The following ZMAT4 variants were observed in gnomAD, a reference collection of about 807,000 sequenced individuals.
ZMAT4 encodes the protein zinc finger matrin-type protein 4.
Under a neutral mutation model 28.7 loss-of-function variants are expected in ZMAT4, and 17 were observed. The observed-to-expected ratio is 0.59, with a 90% confidence interval of 0.41 to 0.89. The LOEUF (loss-of-function observed/expected upper bound fraction) is 0.89. Among genes scored for constraint, ZMAT4 ranks in the 40% least tolerant of loss-of-function variants. The probability of loss-of-function intolerance (pLI) is 0.00; values close to 1 mark genes in which losing one functional copy is unlikely to be tolerated. For synonymous variants in ZMAT4, 117 were observed against 109.2 expected, an observed-to-expected ratio of 1.07 and a Z score of -0.44; for missense variants, 240 against 283.8, an observed-to-expected ratio of 0.85 and a Z score of 1.11.
chr8:40,708,152 G>A (rs1217677871), intron 3 of ZMAT4, among the ~76,000 whole-genome samples: 8 of 152,212 alleles, frequency 5.3e-5, no homozygotes, highest in Non-Finnish European at 1.2e-4. Flanking sequence ...ATCAGCATCT[G>A]TGCAGGGAAA....
At position 40,638,289 on chromosome 8, in the gene ZMAT4, A is replaced by AATGG. The variant is rs200268667; in HGVS notation, c.577+36411_577+36414dup. 5.5e-3 allele frequency among the ~76,000 whole-genome samples: 841 copies of AATGG among 152,362 alleles called. 13 individuals are homozygous for AATGG. The highest frequency in any genetic ancestry group is 0.019 in the African/African-American group (793 of 41,592). On this transcript the variant is annotated intron_variant, in intron 5 of 6. Transcript: ENST00000297737. The stretch of plus-strand genomic sequence containing the variant: ...AATTGGCCTGATTTGATCATTCCAC[A>AATGG]ATGGGTGCATGTATCAAAACATCAC...
At chr8:40,842,889 C>T (rs934299529) in intron 1 of ZMAT4, among the ~76,000 whole-genome samples, 1 of 152,220 alleles carries the variant, frequency 6.6e-6, no homozygotes, top group Non-Finnish European at 1.5e-5. Context: ...AATTCTCCTG[C>T]CTCAGCCTCC....
At chr8:40,884,248 G>A (rs1310060051) in intron 1 of ZMAT4, among the ~76,000 whole-genome samples, 3 of 129,964 alleles carry the variant, frequency 2.3e-5, no homozygotes, top group African/African-American at 8.7e-5. Context: ...AGCTGTCCAA[G>A]AGGCCAGGCC....
intron 5 of ZMAT4, among the ~76,000 whole-genome samples, chr8:40,636,020 G>C (rs919807356): frequency 5.9e-5 from 9 of 152,204 alleles, no homozygotes; most frequent in Non-Finnish European, 1.0e-4. Context: ...GTTTGAGTAA[G>C]TTTCCTATCC....
intron 4 of ZMAT4, among the ~76,000 whole-genome samples, chr8:40,690,359 C>A (rs1344777822): frequency 6.6e-6 from 1 of 152,182 alleles, no homozygotes; most frequent in Non-Finnish European, 1.5e-5. Context: ...TAAGCCCCTT[C>A]CAGCTCTGCA....
At chr8:40,786,594 C>T (rs949871808) in intron 2 of ZMAT4, 4 of 884,648 alleles carry the variant, frequency 4.5e-6, no homozygotes, top group Non-Finnish European at 4.6e-6. Flanking sequence ...CCAGCATGCA[C>T]GTTCTGGTTA....
At chr8:40,672,432 G>T (rs150138646) in intron 5 of ZMAT4, among the ~76,000 whole-genome samples, 197 of 152,226 alleles carry the variant, frequency 1.3e-3, no homozygotes, top group African/African-American at 4.4e-3. Context: ...CACCTGGAGC[G>T]TGTGGAAAGT....
intron 5 of ZMAT4, among the ~76,000 whole-genome samples, chr8:40,659,479 T>A (rs1302726657): frequency 6.6e-6 from 1 of 152,136 alleles, no homozygotes; most frequent in African/African-American, 2.4e-5. Context: ...AGTCCTTGCA[T>A]TGCCCCTGGA....
intron 3 of ZMAT4, among the ~76,000 whole-genome samples, chr8:40,734,319 A>C (rs1811668691): frequency 6.6e-6 from 1 of 152,216 alleles, no homozygotes; most frequent in Non-Finnish European, 1.5e-5. Context: ...ATTAAATGGC[A>C]CTTAAGAGGA....
chr8:40,596,591 C>T (rs1805113289), intron 5 of ZMAT4, among the ~76,000 whole-genome samples: 1 of 152,158 alleles, frequency 6.6e-6, no homozygotes. Flanking sequence ...CACTAGGTGA[C>T]AGGAATTTTT....
intron 1 of ZMAT4, among the ~76,000 whole-genome samples, chr8:40,890,063 T>A (rs2150670529): frequency 6.6e-6 from 1 of 152,374 alleles, no homozygotes; most frequent in East Asian, 1.9e-4. Flanking sequence ...TAATTTCACA[T>A]TTTTGTTATT....
At position 40,613,077 on chromosome 8, in the gene ZMAT4, C is replaced by T. The variant is rs149109113; in HGVS notation, c.578-31816G>A. On this transcript the variant is annotated intron_variant, in intron 5 of 6. Coordinates refer to ENST00000297737, the MANE Select transcript of ZMAT4 (RefSeq NM_024645.3). ...CCGCCCACCTCAGCCTCCCAAAGTG[C>T]TGAGATTACAGGTGTGAGCCACCGT... Among the ~76,000 whole-genome samples the T allele has an allele frequency of 1.6e-3, 243 of 151,902 alleles. 4 individuals carry two copies. In the East Asian group the frequency reaches 0.043, roughly 27 times the overall value.
chr8:40,730,767 T>C (rs1811502223), intron 3 of ZMAT4, among the ~76,000 whole-genome samples: 1 of 152,168 alleles, frequency 6.6e-6, no homozygotes, highest in Admixed American at 6.5e-5. Flanking sequence ...GGGAAGATCA[T>C]GGGAGTAGGA....
In ZMAT4 at chr8:40,728,181, G is replaced by A. The variant is rs1408040191; in HGVS notation, c.193-30780C>T. Among the ~76,000 whole-genome samples the A allele has an allele frequency of 2.0e-5, 3 of 152,148 alleles. No individual in the cohort carries two copies. In the East Asian group the frequency reaches 5.8e-4, roughly 29 times the overall value. The stretch of plus-strand genomic sequence containing the variant: ...GTCCTTAAGATAAAATTACAATAAT[G>A]GTTTAGAGGAAGCATAGCTTTGCTT... On this transcript the variant is annotated intron_variant, in intron 3 of 6. Coordinates refer to ENST00000297737, the MANE Select transcript of ZMAT4 (RefSeq NM_024645.3).
At chr8:40,796,983 G>A (rs910971725) in intron 2 of ZMAT4, among the ~76,000 whole-genome samples, 1 of 152,134 alleles carries the variant, frequency 6.6e-6, no homozygotes, top group African/African-American at 2.4e-5. Flanking sequence ...ACCTCCAGGG[G>A]CCACAGGCAG....
chr8:40,614,717 A>G (rs917357930), intron 5 of ZMAT4, among the ~76,000 whole-genome samples: 6 of 152,132 alleles, frequency 3.9e-5, no homozygotes, highest in African/African-American at 1.4e-4. Flanking sequence ...GTTTGTTTAA[A>G]GACTGTTTTA....
At chr8:40,856,406 G>A (rs930575703) in intron 1 of ZMAT4, among the ~76,000 whole-genome samples, 1 of 152,194 alleles carries the variant, frequency 6.6e-6, no homozygotes, top group Non-Finnish European at 1.5e-5. Flanking sequence ...GACAGCATGG[G>A]CAAAGATGTG....
intron 6 of ZMAT4, among the ~76,000 whole-genome samples, chr8:40,560,872 A>C (rs917009097): frequency 1.3e-5 from 2 of 152,074 alleles, no homozygotes; most frequent in Admixed American, 6.6e-5. Flanking sequence ...TTCCCCAATT[A>C]AACCCTAACC....
Position 40,794,366 on chromosome 8 carries a change from G to A in ZMAT4, c.103-26636C>T, listed in dbSNP as rs189742993. Among the ~76,000 whole-genome samples, 9 of 152,272 alleles carry A rather than the reference G, an allele frequency of 5.9e-5. No homozygotes were observed. In the East Asian group the frequency reaches 1.5e-3, roughly 26 times the overall value. On this transcript the variant is annotated intron_variant, in intron 2 of 6. Transcript: ENST00000297737. Reference sequence around the variant, plus strand: ...TACCCAACACACCATATAGCACTATGTGTCTTGGTTCTGACTACTCATTGA... The same window carrying A: ...TACCCAACACACCATATAGCACTATATGTCTTGGTTCTGACTACTCATTGA...
Sources: gnomAD v4.1 joint callset for allele counts (sites outside exome capture counted in the v4.1 genomes callset) on GRCh38, gnomAD v4.1.1 for gene constraint, MANE v1.5 for transcripts, NCBI Gene and HGNC (gene_info 2026-07-23, HGNC 2026-07-21) for gene names.